OSBPL3: variants seen among roughly 807,000 people sequenced by gnomAD.
The protein encoded by OSBPL3 is oxysterol binding protein like 3.
A neutral mutation model predicts 120.1 loss-of-function variants in OSBPL3; 65 were observed. That is an observed-to-expected ratio of 0.54 (90% CI 0.44 to 0.67). The LOEUF is 0.67. OSBPL3 is among the 30% of genes least tolerant of loss of function. OSBPL3 has a pLI of 0.00. For synonymous variants in OSBPL3, 416 were observed against 402.6 expected (o/e 1.03, Z -0.40); for missense variants, 1,004 against 1,082.1 (o/e 0.93, Z 1.01).
intron 1 of OSBPL3, among the ~76,000 whole-genome samples, chr7:24,971,492 C>T (rs972941739): frequency 1.2e-4 from 19 of 152,202 alleles, no homozygotes; most frequent in African/African-American, 4.6e-4. Context: ...TCGCAGCAGA[C>T]TCTCCATGAC....
chr7:24,845,565 A>T (rs887354069), intron 12 of OSBPL3, among the ~76,000 whole-genome samples: 35 of 150,282 alleles, frequency 2.3e-4, no homozygotes, highest in African/African-American at 8.0e-4. Flanking sequence ...ATTATCATTG[A>T]TTTAGCATTA....
chr7:24,836,396 C>T (rs1409545901), intron 14 of OSBPL3, among the ~76,000 whole-genome samples: 2 of 152,194 alleles, frequency 1.3e-5, no homozygotes, highest in Admixed American at 1.3e-4. Flanking sequence ...TTCATGAGCA[C>T]TTCTTCTTTG....
Position 24,808,450 on chromosome 7 carries a change from T to C in OSBPL3, c.2317+1357A>G, listed in dbSNP as rs1793344249. ...GTGTTGCTTTATCAAGGTGGTACTT[T>C]AACACTGAGACAGGATCGCAGTTCT... On this transcript the variant is annotated intron_variant, in intron 20 of 22. Transcript: ENST00000313367. The surrounding 1 kb of genome is among the most constrained non-coding windows in gnomAD (Gnocchi z 4.6). Among the ~76,000 whole-genome samples, 2 of 152,338 alleles carry C rather than the reference T, an allele frequency of 1.3e-5. No individual in the cohort carries two copies. Among genetic ancestry groups the C allele is most frequent in the South Asian group, 4.1e-4 (2 of 4,830 alleles).
At position 24,947,808 on chromosome 7, in the gene OSBPL3, A is replaced by ACACACACACT. The variant is rs909154493; in HGVS notation, c.-150+32077_-150+32078insAGTGTGTGTG. 2.7e-5 allele frequency among the ~76,000 whole-genome samples: 4 copies of ACACACACACT among 147,764 alleles called. No homozygotes were observed. Among genetic ancestry groups the ACACACACACT allele is most frequent in the African/African-American group, 1.0e-4 (4 of 39,942 alleles). On this transcript the variant is annotated intron_variant, in intron 1 of 22. Coordinates refer to ENST00000313367, the MANE Select transcript of OSBPL3 (RefSeq NM_015550.4). This position sits in a 1 kb window ranked among gnomAD's most constrained non-coding sequence, Gnocchi z 4.4. ...CACACACACACACACACACACACAC[A>ACACACACACT]CTCATTGCATACTACCCATGTGCCA...
At chr7:24,812,124 T>C (rs776202491) in intron 19 of OSBPL3, among the ~76,000 whole-genome samples, 12 of 151,954 alleles carry the variant, frequency 7.9e-5, no homozygotes, top group East Asian at 1.9e-4. Context: ...CTGTCCAACA[T>C]GGTGAAACCC....
In OSBPL3 at chr7:24,883,990, C is replaced by T. The variant is rs186779718; in HGVS notation, c.96+8387G>A. Among the ~76,000 whole-genome samples the T allele has an allele frequency of 4.7e-4, 71 of 151,762 alleles. No individual in the cohort carries two copies. The highest frequency in any genetic ancestry group is 1.6e-3 in the African/African-American group (68 of 41,384). On this transcript the variant is annotated intron_variant, in intron 2 of 22. Coordinates refer to ENST00000313367, the MANE Select transcript of OSBPL3 (RefSeq NM_015550.4). The surrounding 1 kb of genome is among the most constrained non-coding windows in gnomAD (Gnocchi z 5.4). ...GCAGTAAGGAGGAGAAGTAAAAGGC[C>T]CAGAAAATGAGAATCTAGAAAACTA...
Position 24,815,968 on chromosome 7 carries a change from G to T in OSBPL3, c.2027+642C>A, listed in dbSNP as rs1293404293. Among the ~76,000 whole-genome samples the T allele has an allele frequency of 6.6e-6, 1 of 152,104 alleles. No individual in the cohort carries two copies. Among genetic ancestry groups the T allele is most frequent in the Admixed American group, 6.5e-5 (1 of 15,274 alleles). ...TATCAATCATCCCTATCAGATCAAG[G>T]CCATACTTTTCTTAAAAGGGATTTT... is the stretch of plus-strand genomic sequence containing the variant. On this transcript the variant is annotated intron_variant, in intron 18 of 22. Coordinates refer to ENST00000313367, the MANE Select transcript of OSBPL3 (RefSeq NM_015550.4). This position sits in a 1 kb window ranked among gnomAD's most constrained non-coding sequence, Gnocchi z 5.1.
Position 24,809,796 on chromosome 7 carries a change from C to T in OSBPL3, c.2317+11G>A, listed in dbSNP as rs1793535141. On this transcript the variant is annotated intron_variant, in intron 20 of 22. Coordinates refer to ENST00000313367, the MANE Select transcript of OSBPL3 (RefSeq NM_015550.4). ...ACTCACAGCCTGGGGTCCACAAACC[C>T]AGACACTCACTTGCTCTCCATACAC... The T allele has an allele frequency of 1.2e-6, 2 of 1,613,972 alleles. No homozygotes were observed. Among genetic ancestry groups the T allele is most frequent in the Non-Finnish European group, 1.7e-6 (2 of 1,179,940 alleles).
intron 1 of OSBPL3, among the ~76,000 whole-genome samples, chr7:24,960,965 G>A (rs1186666231): frequency 1.3e-5 from 2 of 152,166 alleles, no homozygotes; most frequent in Non-Finnish European, 2.9e-5. Flanking sequence ...TTTGCAAAAG[G>A]CAGGTAGCAA....
chr7:24,806,322 T>C lies in OSBPL3; in HGVS notation c.2444+454A>G, dbSNP rs1457876088. Among the ~76,000 whole-genome samples the C allele has an allele frequency of 1.3e-5, 2 of 152,230 alleles. No homozygotes were observed. Among genetic ancestry groups the C allele is most frequent in the Non-Finnish European group, 2.9e-5 (2 of 68,042 alleles). ...AAAGGCCTTAGGGGAGACATTCTTA[T>C]TTCCATTTTACAGAGTAGGAAACTG... On this transcript the variant is annotated intron_variant, in intron 21 of 22. Coordinates refer to ENST00000313367, the MANE Select transcript of OSBPL3 (RefSeq NM_015550.4). The surrounding 1 kb of genome is among the most constrained non-coding windows in gnomAD (Gnocchi z 5.2).
Position 24,824,946 on chromosome 7 carries a change from T to C in OSBPL3, c.1885-4708A>G, listed in dbSNP as rs1262582129. Among the ~76,000 whole-genome samples, 3 of 152,046 alleles carry C rather than the reference T, an allele frequency of 2.0e-5. No individual in the cohort carries two copies. In the South Asian group the frequency reaches 6.2e-4, roughly 32 times the overall value. On this transcript the variant is annotated intron_variant, in intron 16 of 22. Transcript: ENST00000313367. The surrounding 1 kb of genome is among the most constrained non-coding windows in gnomAD (Gnocchi z 4.9). Reference sequence around the variant, plus strand: ...ACAGCAAAGGCCAATGGCTGGAAAATGCTTGGTATGAAGCAGAAGAAGCAA... The same window carrying C: ...ACAGCAAAGGCCAATGGCTGGAAAACGCTTGGTATGAAGCAGAAGAAGCAA...
Position 24,871,403 on chromosome 7 carries a change from G to GA in OSBPL3, c.267+338dup, listed in dbSNP as rs1802091269. ...TTCTTCACCCAGGGGCTTCTCCCCG[G>GA]AATCTCTCGGTCACAGTGCAAGAGG... On this transcript the variant is annotated intron_variant, in intron 4 of 22. Coordinates refer to ENST00000313367, the MANE Select transcript of OSBPL3 (RefSeq NM_015550.4). The surrounding 1 kb of genome is among the most constrained non-coding windows in gnomAD (Gnocchi z 4.8). Among the ~76,000 whole-genome samples the GA allele has an allele frequency of 6.6e-6, 1 of 152,172 alleles. No individual in the cohort carries two copies. The highest frequency in any genetic ancestry group is 6.5e-5 in the Admixed American group (1 of 15,274).
chr7:24,888,947 A>G (rs1804923716), intron 2 of OSBPL3, among the ~76,000 whole-genome samples: 1 of 152,190 alleles, frequency 6.6e-6, no homozygotes, highest in South Asian at 2.1e-4. Context: ...TCCAGCTAAG[A>G]TGGTGTTTTA....
At chr7:24,878,063 G>A (rs777488639) in intron 2 of OSBPL3, among the ~76,000 whole-genome samples, 25 of 152,308 alleles carry the variant, frequency 1.6e-4, no homozygotes, top group Middle Eastern at 3.4e-3. Context: ...CTGAATGTCT[G>A]AAAAGTGCCA....
chr7:24,963,016 T>C (rs1815965039), intron 1 of OSBPL3, among the ~76,000 whole-genome samples: 1 of 152,262 alleles, frequency 6.6e-6, no homozygotes, highest in Non-Finnish European at 1.5e-5. Flanking sequence ...TTGTCCCTTA[T>C]TATTCCCTGC....
intron 1 of OSBPL3, among the ~76,000 whole-genome samples, chr7:24,963,380 A>G (rs997260546): frequency 1.3e-5 from 2 of 152,232 alleles, no homozygotes; most frequent in African/African-American, 4.8e-5. Flanking sequence ...TGCTGATGTC[A>G]GCAGTGCCAC....
In OSBPL3 at chr7:24,863,041, TA is replaced by T; in HGVS notation, c.870+158del. Among the ~76,000 whole-genome samples, 1 of 152,306 alleles carries T rather than the reference TA, an allele frequency of 6.6e-6. No homozygotes were observed. The highest frequency in any genetic ancestry group is 1.9e-4 in the East Asian group (1 of 5,188). On this transcript the variant is annotated intron_variant, in intron 9 of 22. Transcript: ENST00000313367. This position sits in a 1 kb window ranked among gnomAD's most constrained non-coding sequence, Gnocchi z 5.8. ...TGCTTATCCTAGCACCCAGATAATCTAAGTGATTCAATTCATCTCGCTACAG... is the reference window on the plus strand; with the variant it reads ...TGCTTATCCTAGCACCCAGATAATCTAGTGATTCAATTCATCTCGCTACAG...
chr7:24,871,656 C>A lies in OSBPL3; in HGVS notation c.267+86G>T. 1.0e-6 allele frequency: 1 copy of A among 985,758 alleles called. No individual in the cohort carries two copies. The highest frequency in any genetic ancestry group is 1.6e-6 in the Non-Finnish European group (1 of 632,724). 61.1% of individuals were successfully genotyped at this position (985,758 alleles called of 1,614,324 possible). On this transcript the variant is annotated intron_variant, in intron 4 of 22. Transcript: ENST00000313367. This position sits in a 1 kb window ranked among gnomAD's most constrained non-coding sequence, Gnocchi z 4.8. ...GTTTCCAGTTCCGAGAAAAGCTATC[C>A]TCAACTATACACACTCTCATCTCTG...
chr7:24,870,723 C>A lies in OSBPL3; in HGVS notation c.381+9G>T. ...TAAGTGAACTCTGCACAGTGGGAAG[C>A]AGCCTCACCTTCAGATGGTAGATGT... On this transcript the variant is annotated intron_variant, in intron 5 of 22. Coordinates refer to ENST00000313367, the MANE Select transcript of OSBPL3 (RefSeq NM_015550.4). 6.6e-7 allele frequency: 1 copy of A among 1,522,864 alleles called. No individual in the cohort carries two copies. Among genetic ancestry groups the A allele is most frequent in the Non-Finnish European group, 9.1e-7 (1 of 1,096,516 alleles). The allele number at this position is 1,522,864 out of a possible 1,614,324, so 94.3% of individuals were successfully genotyped here.
Sources: allele counts gnomAD v4.1 joint callset (sites outside exome capture counted in the v4.1 genomes callset), GRCh38; gene constraint gnomAD v4.1.1; non-coding constraint Gnocchi (gnomAD v3.1); transcripts MANE v1.5; gene names NCBI Gene and HGNC (gene_info 2026-07-23, HGNC 2026-07-21).